CRYBG1: variants seen among roughly 807,000 people sequenced by gnomAD.
The protein encoded by CRYBG1 is crystallin beta-gamma domain containing 1.
In CRYBG1, 139 loss-of-function variants were observed where a neutral mutation model predicts 189.2. The ratio of observed to expected loss-of-function variants is 0.73; its 90% confidence interval spans 0.64 to 0.85. CRYBG1 has a LOEUF of 0.85. Ranked by LOEUF, CRYBG1 falls within the 40% of genes least tolerant of loss-of-function variation. The pLI is 0.00. For missense variants in CRYBG1, 2,611 were observed against 2,675.8 expected (o/e 0.98, Z 0.53); for synonymous variants, 1,023 against 1,017.1 (o/e 1.01, Z -0.11).
chr6:106,525,411 G>C (rs1300667861), intron 6 of CRYBG1, 25 bp downstream of exon 6: 1 of 1,564,464 alleles, frequency 6.4e-7, no homozygotes, highest in Non-Finnish European at 8.8e-7. Context: ...TTAAGTTCCT[G>C]ATGTCAAGTG....
chr6:106,568,043 G>A (rs1774942935), intron 21 of CRYBG1, among the ~76,000 whole-genome samples: 1 of 142,156 alleles, frequency 7.0e-6, no homozygotes, highest in Admixed American at 6.9e-5. Flanking sequence ...TTCCACCACT[G>A]CCAGGACTAC....
At chr6:106,509,923 A>G (rs576530499) in intron 2 of CRYBG1, among the ~76,000 whole-genome samples, 56 of 151,982 alleles carry the variant, frequency 3.7e-4, no homozygotes, top group African/African-American at 1.1e-3. Flanking sequence ...ACACTATGTT[A>G]CAGTACCAGG....
chr6:106,469,126 G>A (rs960639365), intron 2 of CRYBG1, among the ~76,000 whole-genome samples: 1 of 152,158 alleles, frequency 6.6e-6, no homozygotes, highest in African/African-American at 2.4e-5. Context: ...AGCCACATGG[G>A]AGCAGTTACT....
chr6:106,542,126 ATATG>A (rs1234882830), intron 10 of CRYBG1, among the ~76,000 whole-genome samples: 2 of 146,970 alleles, frequency 1.4e-5, no homozygotes, highest in Non-Finnish European at 3.0e-5. Context: ...ATATACATAT[ATATG>A]TGTGTGTGTA....
intron 2 of CRYBG1, among the ~76,000 whole-genome samples, chr6:106,504,533 C>T (rs1204998814): frequency 2.0e-5 from 3 of 151,924 alleles, no homozygotes; most frequent in Non-Finnish European, 1.5e-5. Context: ...TCTTAGGTAA[C>T]TGAATCATAT....
intron 1 of CRYBG1, among the ~76,000 whole-genome samples, 159 bp downstream of exon 1, chr6:106,361,240 T>C (rs935458722): frequency 6.6e-6 from 1 of 152,226 alleles, no homozygotes; most frequent in Non-Finnish European, 1.5e-5. Context: ...GGAGCGATCG[T>C]AGCCGCTGGG....
chr6:106,482,053 C>A (rs867723566), intron 2 of CRYBG1, among the ~76,000 whole-genome samples: 1 of 113,674 alleles, frequency 8.8e-6, no homozygotes, highest in African/African-American at 3.7e-5. Context: ...AGTGTACTTT[C>A]GCTGTGTCCT....
At chr6:106,542,299 T>C (rs1774151791) in intron 10 of CRYBG1, among the ~76,000 whole-genome samples, 2 of 51,914 alleles carry the variant, frequency 3.9e-5, no homozygotes, top group African/African-American at 7.8e-5. Flanking sequence ...TTTTTTTTTG[T>C]GGAGACCAGG....
At chr6:106,488,243 A>G (rs535057298) in intron 2 of CRYBG1, among the ~76,000 whole-genome samples, 3 of 152,264 alleles carry the variant, frequency 2.0e-5, no homozygotes, top group African/African-American at 7.2e-5. Flanking sequence ...TGGCATGGTC[A>G]CCACTGTGCT....
intron 1 of CRYBG1, among the ~76,000 whole-genome samples, chr6:106,416,554 T>A (rs1771024815): frequency 6.6e-6 from 1 of 152,248 alleles, no homozygotes; most frequent in African/African-American, 2.4e-5. Flanking sequence ...ATTTTTCCGA[T>A]ATCTTACTTC....
At chr6:106,532,104 A>G (rs1455236204) in intron 8 of CRYBG1, among the ~76,000 whole-genome samples, 1 of 152,174 alleles carries the variant, frequency 6.6e-6, no homozygotes, top group African/African-American at 2.4e-5. Flanking sequence ...ACATTGCATA[A>G]TGATCAAATC....
intron 13 of CRYBG1, among the ~76,000 whole-genome samples, chr6:106,550,280 C>A (rs914176611): frequency 6.6e-6 from 1 of 152,156 alleles, no homozygotes; most frequent in Non-Finnish European, 1.5e-5. Context: ...AATGTGATAA[C>A]AGATGTGGAA....
At chr6:106,531,000 T>C (rs572161458) in intron 8 of CRYBG1, among the ~76,000 whole-genome samples, 1 of 152,366 alleles carries the variant, frequency 6.6e-6, no homozygotes, top group South Asian at 2.1e-4. Context: ...ATATGCATAA[T>C]GTATTAGTTC....
rs556359753 is a variant in CRYBG1, at chr6:106,475,648, G to A, written c.312+23816G>A. The stretch of plus-strand genomic sequence containing the variant: ...GATGACTTGAAAGATATATAGTGCT[G>A]TCTCTGTTTAAGGCTTTGAGAGTCG... On this transcript the variant is annotated intron_variant, in intron 2 of 21. Coordinates refer to ENST00000633556, the MANE Select transcript of CRYBG1 (RefSeq NM_001371242.2). Among the ~76,000 whole-genome samples the A allele has an allele frequency of 2.0e-4, 30 of 152,332 alleles. No individual in the cohort carries two copies. The South Asian group carries it at 4.8e-3, about 24-fold the overall frequency.
chr6:106,364,334 T>A (rs1351443111), intron 1 of CRYBG1, among the ~76,000 whole-genome samples: 6 of 148,932 alleles, frequency 4.0e-5, no homozygotes, highest in Non-Finnish European at 3.0e-5. Context: ...TCTCAAAAAA[T>A]AAAAAAAAAA....
At chr6:106,416,556 T>A (rs1771024867) in intron 1 of CRYBG1, among the ~76,000 whole-genome samples, 1 of 152,202 alleles carries the variant, frequency 6.6e-6, no homozygotes, top group African/African-American at 2.4e-5. Context: ...TTTTCCGATA[T>A]CTTACTTCAG....
chr6:106,542,987 T>A (rs1398285241), intron 10 of CRYBG1, among the ~76,000 whole-genome samples: 1 of 85,170 alleles, frequency 1.2e-5, no homozygotes, highest in Non-Finnish European at 3.3e-5. Flanking sequence ...CATTTTATTT[T>A]ATTTTATTTT....
At chr6:106,407,506 G>A (rs992050944) in intron 1 of CRYBG1, among the ~76,000 whole-genome samples, 3 of 151,994 alleles carry the variant, frequency 2.0e-5, no homozygotes, top group Non-Finnish European at 4.4e-5. Flanking sequence ...GGATATTCAG[G>A]ACTCGAACTC....
rs67231488 is a variant in CRYBG1 at position 106,517,389 on chromosome 6, CATAT to C, written c.1923-1732_1923-1729del. On this transcript the variant is annotated intron_variant, in intron 3 of 21. Coordinates refer to ENST00000633556, the MANE Select transcript of CRYBG1 (RefSeq NM_001371242.2). ...ATATATACACACACACATATACACACATATATATATATACACACACACATATATA... is the reference window on the plus strand; with the variant it reads ...ATATATACACACACACATATACACACATATATATACACACACACATATATA... 7.4e-4 allele frequency among the ~76,000 whole-genome samples: 98 copies of C among 132,854 alleles called. 3 individuals are homozygous for C. The highest frequency in any genetic ancestry group is 1.1e-3 in the African/African-American group (38 of 34,930). 87.2% of individuals were successfully genotyped at this position (132,854 alleles called of 152,430 possible).
Sources: gnomAD v4.1 joint callset for allele counts (sites outside exome capture counted in the v4.1 genomes callset) on GRCh38, gnomAD v4.1.1 for gene constraint, MANE v1.5 for transcripts, NCBI Gene and HGNC (gene_info 2026-07-23, HGNC 2026-07-21) for gene names.